Variants in SETD3 observed in about 807,000 individuals in gnomAD.
SETD3 encodes the protein SET domain containing 3, actin N3(tau)-histidine methyltransferase.
Under a neutral mutation model 63.0 loss-of-function variants are expected in SETD3, and 19 were observed. The ratio of observed to expected loss-of-function variants is 0.30; its 90% CI spans 0.21 to 0.44. The LOEUF (loss-of-function observed/expected upper bound fraction) is 0.44. SETD3 is among the 20% of genes least tolerant of loss of function. The probability of loss-of-function intolerance (pLI) is 1.00; values close to 1 mark genes in which losing one functional copy is unlikely to be tolerated. For missense variants in SETD3, 587 were observed against 728.5 expected, an observed-to-expected ratio of 0.81 and a Z score of 2.24; for synonymous variants, 286 against 264.1, an observed-to-expected ratio of 1.08 and a Z score of -0.80.
In SETD3 at chr14:99,398,163, GTTAT is replaced by G. The variant is rs1423424227; in HGVS notation, c.*512_*515del. The G allele has an allele frequency of 2.0e-5, 3 of 151,380 alleles. No homozygotes were observed. The highest frequency in any genetic ancestry group is 3.9e-4 in the East Asian group (2 of 5,188). The allele number at this position is 151,380 out of a possible 1,614,324, so 9.4% of individuals were successfully genotyped here. The stretch of plus-strand genomic sequence containing the variant: ...TTACCTTTTCTTTTGGTAATGGGGT[GTTAT>G]TTTTTTTAAGAGAAAAAACCAAACA... On this transcript the variant is annotated 3_prime_UTR_variant, in exon 13 of 13. Coordinates refer to ENST00000331768, the MANE Select transcript of SETD3 (RefSeq NM_032233.3).
chr14:99,434,749 A>C (rs537526138), intron 6 of SETD3, among the ~76,000 whole-genome samples: 159 of 150,712 alleles, frequency 1.1e-3, no homozygotes, highest in Middle Eastern at 0.01. Context: ...CGGGAGGCTA[A>C]GGAAGGAGAA....
At chr14:99,449,490 C>T (rs982634030) in intron 6 of SETD3, among the ~76,000 whole-genome samples, 2 of 152,180 alleles carry the variant, frequency 1.3e-5, no homozygotes, top group African/African-American at 4.8e-5. Context: ...TTTCAGTCTA[C>T]ACATGATAAA....
chr14:99,484,358 C>A (rs1330093912), upstream of SETD3, among the ~76,000 whole-genome samples: 2 of 152,184 alleles, frequency 1.3e-5, no homozygotes, highest in African/African-American at 4.8e-5. Context: ...TAGTTACCAC[C>A]CCCCTCCCAT....
At chr14:99,419,868 A>G (rs965950210) in intron 6 of SETD3, among the ~76,000 whole-genome samples, 4 of 152,138 alleles carry the variant, frequency 2.6e-5, no homozygotes, top group African/African-American at 9.6e-5. Flanking sequence ...AGTGATAATC[A>G]ATCAATATTT....
chr14:99,446,350 T>C (rs1263682277), intron 6 of SETD3, among the ~76,000 whole-genome samples: 1 of 152,192 alleles, frequency 6.6e-6, no homozygotes, highest in Non-Finnish European at 1.5e-5. Context: ...GTATTGGAGC[T>C]TTCTTCTAAT....
chr14:99,420,981 A>T (rs140910901), intron 6 of SETD3, among the ~76,000 whole-genome samples: 1 of 25,730 alleles, frequency 3.9e-5, no homozygotes, highest in African/African-American at 1.2e-4. Context: ...GGGGGGTGGG[A>T]GGTGCAGACA....
At chr14:99,463,935 C>T (rs997910354) in intron 2 of SETD3, among the ~76,000 whole-genome samples, 7 of 152,162 alleles carry the variant, frequency 4.6e-5, no homozygotes, top group Admixed American at 4.6e-4. Context: ...ACTATCCCCC[C>T]AAAACTCTTC....
intron 10 of SETD3, among the ~76,000 whole-genome samples, chr14:99,404,986 G>C (rs537762496): frequency 5.9e-5 from 9 of 152,316 alleles, no homozygotes; most frequent in African/African-American, 2.2e-4. Flanking sequence ...ATATCCCCCA[G>C]AACTGACTGT....
chr14:99,463,732 A>G (rs1257804727), intron 2 of SETD3, among the ~76,000 whole-genome samples, 154 bp from the exon 3 acceptor site: 2 of 152,190 alleles, frequency 1.3e-5, no homozygotes, highest in Non-Finnish European at 2.9e-5. Flanking sequence ...AATGAATGTG[A>G]GAAGTACAAG....
chr14:99,470,848 C>T (rs983433966), intron 1 of SETD3, among the ~76,000 whole-genome samples: 1 of 152,176 alleles, frequency 6.6e-6, no homozygotes, highest in Non-Finnish European at 1.5e-5. Flanking sequence ...ATATGTACTC[C>T]GTTCAGCCCT....
At chr14:99,405,513 G>A (rs1295595126) in intron 9 of SETD3, 142 bp from the exon 10 acceptor site, 1 of 939,646 alleles carries the variant, frequency 1.1e-6, no homozygotes. Flanking sequence ...TTTGGTATAG[G>A]TTGCAAGGGT....
At chr14:99,446,580 C>T (rs906759520) in intron 6 of SETD3, among the ~76,000 whole-genome samples, 1 of 152,116 alleles carries the variant, frequency 6.6e-6, no homozygotes, top group African/African-American at 2.4e-5. Flanking sequence ...CCTCTACTCC[C>T]ATGCAAACAC....
intron 1 of SETD3, among the ~76,000 whole-genome samples, chr14:99,474,878 T>TC (rs1401545146): frequency 6.6e-6 from 1 of 151,926 alleles, no homozygotes; most frequent in Non-Finnish European, 1.5e-5. Context: ...TTTCGCAATT[T>TC]TTTTTTTTTG....
intron 6 of SETD3, among the ~76,000 whole-genome samples, chr14:99,444,664 G>A (rs989071344): frequency 2.6e-5 from 4 of 152,124 alleles, no homozygotes; most frequent in Non-Finnish European, 4.4e-5. Context: ...TTTGAGATCA[G>A]CCTGAGCAAC....
upstream of SETD3, chr14:99,481,430 C>G (rs1179725287): frequency 2.5e-6 from 1 of 398,610 alleles, no homozygotes; most frequent in East Asian, 3.6e-5. Context: ...TACAAGATGG[C>G]CGCAGTCGGC....
chr14:99,402,341 G>T (rs1285394298), intron 11 of SETD3, among the ~76,000 whole-genome samples: 1 of 152,206 alleles, frequency 6.6e-6, no homozygotes, highest in East Asian at 1.9e-4. Context: ...AACAGAGGTG[G>T]GTTCTAAGTC....
intron 6 of SETD3, among the ~76,000 whole-genome samples, chr14:99,437,347 G>A (rs998090951): frequency 3.3e-5 from 5 of 152,042 alleles, no homozygotes; most frequent in African/African-American, 1.2e-4. Flanking sequence ...AAACTCCTAC[G>A]TCCTCTTCAG....
intron 8 of SETD3, among the ~76,000 whole-genome samples, chr14:99,410,775 A>G (rs2139635611): frequency 6.6e-6 from 1 of 152,268 alleles, no homozygotes; most frequent in East Asian, 1.9e-4. Flanking sequence ...CCTTGCTGTC[A>G]CTGGTTTGGA....
intron 1 of SETD3, among the ~76,000 whole-genome samples, chr14:99,468,474 T>G (rs1273341161): frequency 6.6e-6 from 1 of 152,186 alleles, no homozygotes; most frequent in Non-Finnish European, 1.5e-5. Flanking sequence ...TAAAGAATAA[T>G]GTGTAACATG....
Sources: gnomAD v4.1 joint callset for allele counts (sites outside exome capture counted in the v4.1 genomes callset) on GRCh38, gnomAD v4.1.1 for gene constraint, MANE v1.5 for transcripts, NCBI Gene and HGNC (gene_info 2026-07-23, HGNC 2026-07-21) for gene names.